The following SLC25A33 variants were observed in gnomAD, a reference collection of about 807,000 sequenced individuals.
SLC25A33 encodes bone marrow stromal cell mitochondrial carrier protein.
A neutral mutation model predicts 35.5 loss-of-function variants in SLC25A33; 15 were observed. The observed-to-expected ratio is 0.42, with a 90% CI of 0.28 to 0.65. The LOEUF is 0.65. Ranked by LOEUF, SLC25A33 falls within the 30% of genes least tolerant of loss-of-function variation. The pLI, the probability that SLC25A33 is intolerant of heterozygous loss-of-function variation, is 0.20. For synonymous variants in SLC25A33, 136 were observed against 148.7 expected (o/e 0.91, Z 0.62); for missense variants, 257 against 398.5 (o/e 0.64, Z 3.02).
At chr1:9,559,898 T>G (rs1257409951) in intron 2 of SLC25A33, among the ~76,000 whole-genome samples, 1 of 152,198 alleles carries the variant, frequency 6.6e-6, no homozygotes, top group Non-Finnish European at 1.5e-5. Flanking sequence ...GGCTTTTGTC[T>G]TATCTACAAA....
At chr1:9,561,341 T>A (rs1569858693) in intron 2 of SLC25A33, among the ~76,000 whole-genome samples, 2 of 152,210 alleles carry the variant, frequency 1.3e-5, no homozygotes, top group East Asian at 3.8e-4. Flanking sequence ...ATGAGACATT[T>A]GTCTTGGATT....
intron 1 of SLC25A33, among the ~76,000 whole-genome samples, chr1:9,542,065 G>A (rs980235397): frequency 2.0e-5 from 3 of 152,246 alleles, no homozygotes; most frequent in Admixed American, 6.5e-5. Flanking sequence ...CAAAGTGCTG[G>A]GATTGCAGGC....
At chr1:9,565,891 C>A (rs1367278506) in intron 2 of SLC25A33, among the ~76,000 whole-genome samples, 26 of 149,208 alleles carry the variant, frequency 1.7e-4, no homozygotes, top group Admixed American at 1.2e-3. Context: ...AAAAAAAAAA[C>A]AAAGAAAAGA....
At chr1:9,579,460 A>ACT (rs1244720733) in intron 5 of SLC25A33, among the ~76,000 whole-genome samples, 5 of 152,266 alleles carry the variant, frequency 3.3e-5, no homozygotes, top group Non-Finnish European at 5.9e-5. Context: ...GAACTCAGGG[A>ACT]AACACTTAAT....
chr1:9,556,711 GTC>G (rs1643349309), intron 2 of SLC25A33, among the ~76,000 whole-genome samples: 2 of 151,774 alleles, frequency 1.3e-5, no homozygotes, highest in Admixed American at 1.3e-4. Context: ...CTGTGTGTGT[GTC>G]TGTGTGTCTG....
intron 1 of SLC25A33, among the ~76,000 whole-genome samples, chr1:9,550,664 A>G (rs6658539): frequency 0.024 from 3,573 of 150,442 alleles, 142 homozygotes; most frequent in African/African-American, 0.081. Flanking sequence ...TTTTATTTTT[A>G]TTAATTAATT....
intron 3 of SLC25A33, among the ~76,000 whole-genome samples, chr1:9,568,462 A>G (rs1390165300): frequency 6.6e-6 from 1 of 152,114 alleles, no homozygotes. Flanking sequence ...AAAACAAAAC[A>G]AAACAAAAAA....
At chr1:9,559,670 A>T (rs1165104807) in intron 2 of SLC25A33, among the ~76,000 whole-genome samples, 2 of 152,156 alleles carry the variant, frequency 1.3e-5, no homozygotes, top group African/African-American at 2.4e-5. Flanking sequence ...GGACTTACAT[A>T]AAAACAATAT....
At chr1:9,556,839 A>G (rs1439424726) in intron 2 of SLC25A33, among the ~76,000 whole-genome samples, 1 of 152,226 alleles carries the variant, frequency 6.6e-6, no homozygotes, top group Non-Finnish European at 1.5e-5. Context: ...ACAAAAGACA[A>G]ACTATTTTCA....
chr1:9,575,136 C>T (rs1250819064), intron 5 of SLC25A33, among the ~76,000 whole-genome samples: 2 of 149,330 alleles, frequency 1.3e-5, no homozygotes, highest in East Asian at 2.0e-4. Context: ...TGGCGTTAAC[C>T]CGGGAGGTGG....
chr1:9,570,175 C>A, intron 3 of SLC25A33, 83 bp from the exon 4 acceptor site: 2 of 1,251,458 alleles, frequency 1.6e-6, no homozygotes, highest in Non-Finnish European at 2.3e-6. Flanking sequence ...ATTTTATTTT[C>A]CGAAAATTTT....
In SLC25A33 at chr1:9,584,187, T is replaced by C. The variant is rs899947799; in HGVS notation, c.*1686T>C. ...CGTCTAGAAAGATACTCATTTCTAA[T>C]ACCTATGCACTGTAGTTTCAGGTTT... On this transcript the variant is annotated 3_prime_UTR_variant, in exon 7 of 7. Transcript: ENST00000302692. 1 of 152,204 alleles carries C rather than the reference T, an allele frequency of 6.6e-6. No individual in the cohort carries two copies. Among genetic ancestry groups the C allele is most frequent in the Middle Eastern group, 3.2e-3 (1 of 316 alleles). 9.4% of individuals were successfully genotyped at this position (152,204 alleles called of 1,614,324 possible).
chr1:9,577,829 G>T (rs1643683911), intron 5 of SLC25A33, among the ~76,000 whole-genome samples: 2 of 152,190 alleles, frequency 1.3e-5, no homozygotes, highest in Admixed American at 1.3e-4. Context: ...AGGCCGGGAT[G>T]CTGCTAAACC....
At chr1:9,547,179 C>T (rs1018245240) in intron 1 of SLC25A33, among the ~76,000 whole-genome samples, 1 of 152,094 alleles carries the variant, frequency 6.6e-6, no homozygotes, top group East Asian at 1.9e-4. Flanking sequence ...CTTCGCCAGG[C>T]GCAGTGGCTC....
chr1:9,542,588 G>A (rs1231756885), intron 1 of SLC25A33, among the ~76,000 whole-genome samples: 2 of 152,148 alleles, frequency 1.3e-5, no homozygotes, highest in Admixed American at 6.6e-5. Flanking sequence ...ACCTAGTCCG[G>A]TGGAATATGT....
chr1:9,564,737 A>ATATATATATATATATAT (rs1396734975), intron 2 of SLC25A33, among the ~76,000 whole-genome samples: 7 of 72,752 alleles, frequency 9.6e-5, no homozygotes, highest in Non-Finnish European at 1.2e-4. Flanking sequence ...AAAAAAAAAA[A>ATATATATATATATATAT]AAATATATAT....
rs1345607584 is a variant in SLC25A33, at chr1:9,577,931, T to C, written c.483-2023T>C. ...CAAGGGTGAGAAACTCTGGATGTTTTGTTTTGTTTTGAGACAGAGTCTTAC... is the reference window on the plus strand; with the variant it reads ...CAAGGGTGAGAAACTCTGGATGTTTCGTTTTGTTTTGAGACAGAGTCTTAC... On this transcript the variant is annotated intron_variant, in intron 5 of 6. Transcript: ENST00000302692. Among the ~76,000 whole-genome samples the C allele has an allele frequency of 4.6e-5, 7 of 152,062 alleles. No homozygotes were observed. The East Asian group carries it at 1.2e-3, about 25-fold the overall frequency.
chr1:9,569,297 T>C (rs1643555612), intron 3 of SLC25A33, among the ~76,000 whole-genome samples: 1 of 152,114 alleles, frequency 6.6e-6, no homozygotes, highest in African/African-American at 2.4e-5. Flanking sequence ...AGGCAGACTT[T>C]TTTACTGCTT....
chr1:9,563,468 G>A (rs1453980664), intron 2 of SLC25A33, among the ~76,000 whole-genome samples: 1 of 152,124 alleles, frequency 6.6e-6, no homozygotes, highest in Non-Finnish European at 1.5e-5. Flanking sequence ...AGGAGAGCTG[G>A]AAATAGATGA....
Sources: gnomAD v4.1 joint callset for allele counts (sites outside exome capture counted in the v4.1 genomes callset) on GRCh38, gnomAD v4.1.1 for gene constraint, MANE v1.5 for transcripts, NCBI Gene and HGNC (gene_info 2026-07-23, HGNC 2026-07-21) for gene names.